PACRG: variants seen among roughly 807,000 people sequenced by gnomAD.
The protein encoded by PACRG is parkin coregulated.
PACRG carries 29 observed loss-of-function variants against 29.7 expected under a neutral mutation model. That is an observed-to-expected ratio of 0.98 (90% CI 0.73 to 1.33). PACRG has a LOEUF of 1.33. Ranked by LOEUF, PACRG falls within the 40% of genes most tolerant of loss-of-function variation. PACRG has a pLI of 0.00. For synonymous variants in PACRG, 116 were observed against 118.7 expected (o/e 0.98, Z 0.15); for missense variants, 279 against 316.2 (o/e 0.88, Z 0.89).
At chr6:162,896,106 G>T in intron 2 of PACRG, among the ~76,000 whole-genome samples, 1 of 152,220 alleles carries the variant, frequency 6.6e-6, no homozygotes, top group East Asian at 1.9e-4. Flanking sequence ...ATCACTGATT[G>T]CCACCACACC....
At chr6:162,932,511 C>A (rs1357249915) in intron 2 of PACRG, among the ~76,000 whole-genome samples, 20 of 151,902 alleles carry the variant, frequency 1.3e-4, no homozygotes. Flanking sequence ...GCAACTGGGT[C>A]CTGGGCTTTT....
intron 2 of PACRG, among the ~76,000 whole-genome samples, chr6:162,905,249 G>A (rs1009811045): frequency 2.3e-4 from 35 of 152,304 alleles, no homozygotes; most frequent in African/African-American, 7.0e-4. Flanking sequence ...AGCACCATGA[G>A]CATTTAGGGC....
At chr6:163,289,507 T>G (rs73025059) in intron 4 of PACRG, among the ~76,000 whole-genome samples, 7,419 of 152,278 alleles carry the variant, frequency 0.049, 179 homozygotes, top group Middle Eastern at 0.088. Flanking sequence ...TTAAAATACT[T>G]AAGATTTCAT....
intron 1 of PACRG, among the ~76,000 whole-genome samples, chr6:162,771,327 G>A (rs899272093): frequency 2.6e-5 from 4 of 152,110 alleles, no homozygotes; most frequent in Non-Finnish European, 4.4e-5. Context: ...GGAGGACAAC[G>A]GGTTCTATAG....
intron 4 of PACRG, among the ~76,000 whole-genome samples, chr6:163,233,031 G>C (rs1347776168): frequency 6.6e-6 from 1 of 152,232 alleles, no homozygotes; most frequent in Non-Finnish European, 1.5e-5. Flanking sequence ...CTCTGGGGAG[G>C]AGATGGTCTC....
chr6:163,095,916 C>T (rs1814539255), intron 4 of PACRG, among the ~76,000 whole-genome samples: 1 of 152,192 alleles, frequency 6.6e-6, no homozygotes, highest in Non-Finnish European at 1.5e-5. Flanking sequence ...CTCTTTCCTA[C>T]AGCCTGTGGG....
chr6:163,255,574 C>T (rs553311476), intron 4 of PACRG, among the ~76,000 whole-genome samples: 11 of 152,040 alleles, frequency 7.2e-5, no homozygotes, highest in South Asian at 2.1e-4. Flanking sequence ...GCCTTGGGGG[C>T]GACCCACCCA....
At chr6:162,835,752 G>C (rs1249410206) in intron 2 of PACRG, among the ~76,000 whole-genome samples, 1 of 151,974 alleles carries the variant, frequency 6.6e-6, no homozygotes, top group Admixed American at 6.6e-5. Flanking sequence ...TGAACTTGTT[G>C]AGGAAATGAA....
chr6:162,869,114 G>T (rs928777328), intron 2 of PACRG, among the ~76,000 whole-genome samples: 1 of 152,114 alleles, frequency 6.6e-6, no homozygotes, highest in African/African-American at 2.4e-5. Context: ...AGATTTGCTG[G>T]GGTTTGCCAC....
At chr6:163,131,315 C>CAAAAAAAAAAAA (rs55958953) in intron 4 of PACRG, among the ~76,000 whole-genome samples, 1 of 136,184 alleles carries the variant, frequency 7.3e-6, no homozygotes, top group Non-Finnish European at 1.6e-5. Context: ...CTGTCTCAAA[C>CAAAAAAAAAAAA]AAAAAAAAAA....
intron 1 of PACRG, among the ~76,000 whole-genome samples, chr6:162,783,086 TA>T (rs1784211135): frequency 6.6e-6 from 1 of 151,878 alleles, no homozygotes; most frequent in Non-Finnish European, 1.5e-5. Context: ...CATCCAGAAA[TA>T]ACCGCTCATC....
At chr6:163,128,936 G>GT (rs892121773) in intron 4 of PACRG, among the ~76,000 whole-genome samples, 65 of 151,944 alleles carry the variant, frequency 4.3e-4, no homozygotes, top group African/African-American at 1.4e-3. Context: ...TCATCCATCT[G>GT]TTTTTTTTGG....
intron 4 of PACRG, among the ~76,000 whole-genome samples, chr6:163,257,018 T>C (rs577209979): frequency 1.0e-3 from 157 of 152,198 alleles, no homozygotes; most frequent in African/African-American, 3.6e-3. Context: ...CATCTTCACG[T>C]GGTCTTTTCT....
At chr6:163,137,711 T>C (rs1466279296) in intron 4 of PACRG, among the ~76,000 whole-genome samples, 1 of 145,398 alleles carries the variant, frequency 6.9e-6, no homozygotes, top group African/African-American at 2.5e-5. Flanking sequence ...AGGGGCTGCA[T>C]CCGTGTAGAC....
chr6:162,905,037 A>T (rs1242131624), intron 2 of PACRG, among the ~76,000 whole-genome samples: 5 of 152,110 alleles, frequency 3.3e-5, no homozygotes, highest in Non-Finnish European at 5.9e-5. Context: ...AGAGACAGAG[A>T]TGAGAAGAGA....
intron 1 of PACRG, among the ~76,000 whole-genome samples, chr6:162,761,720 C>T (rs555661115): frequency 4.6e-5 from 7 of 151,960 alleles, no homozygotes; most frequent in Non-Finnish European, 1.0e-4. Flanking sequence ...AGGCAGATCA[C>T]GAGGTCAAGA....
chr6:162,937,934 G>A (rs1021842740), intron 2 of PACRG, among the ~76,000 whole-genome samples: 6 of 152,084 alleles, frequency 3.9e-5, no homozygotes, highest in Admixed American at 2.6e-4. Flanking sequence ...TGGGGCAAAG[G>A]TGGTATTTGG....
chr6:162,988,485 G>A (rs561497517), intron 2 of PACRG, among the ~76,000 whole-genome samples: 9 of 152,146 alleles, frequency 5.9e-5, no homozygotes, highest in Non-Finnish European at 2.9e-5. Flanking sequence ...CATTTATTGG[G>A]TATGAAAACA....
chr6:162,837,577 G>A (rs541162408), intron 2 of PACRG, among the ~76,000 whole-genome samples: 31 of 152,180 alleles, frequency 2.0e-4, no homozygotes, highest in Admixed American at 1.3e-3. Flanking sequence ...GGATTTGACA[G>A]AATAATCCTC....
Sources: allele counts gnomAD v4.1 joint callset (sites outside exome capture counted in the v4.1 genomes callset), GRCh38; gene constraint gnomAD v4.1.1; transcripts MANE v1.5; gene names NCBI Gene and HGNC (gene_info 2026-07-23, HGNC 2026-07-21).